Variants in RAB6B observed in about 807,000 individuals in gnomAD.
The protein encoded by RAB6B is RAB6B, member RAS oncogene family.
Under a neutral mutation model 31.2 loss-of-function variants are expected in RAB6B, and 7 were observed. The ratio of observed to expected loss-of-function variants is 0.22; its 90% CI spans 0.13 to 0.42. The LOEUF is 0.42. Among genes scored for constraint, RAB6B ranks in the 10% least tolerant of loss-of-function variants. The pLI is 1.00. For missense variants in RAB6B, 149 were observed against 280.6 expected (o/e 0.53, Z 3.35); for synonymous variants, 105 against 104.9 (o/e 1.00, Z -0.01).
intron 1 of RAB6B, among the ~76,000 whole-genome samples, chr3:133,871,602 A>G (rs911976688): frequency 6.6e-6 from 1 of 151,736 alleles, no homozygotes; most frequent in Non-Finnish European, 1.5e-5. Flanking sequence ...AAGTCCCCAG[A>G]CTCCTCCACT....
At chr3:133,886,894 A>C (rs1409531245) in intron 1 of RAB6B, among the ~76,000 whole-genome samples, 1 of 152,204 alleles carries the variant, frequency 6.6e-6, no homozygotes, top group East Asian at 1.9e-4. Context: ...CAAGGTAATG[A>C]TCAACTTCCT....
At chr3:133,862,190 CTCT>C (rs545238649) in intron 2 of RAB6B, among the ~76,000 whole-genome samples, 5 of 152,078 alleles carry the variant, frequency 3.3e-5, no homozygotes, top group African/African-American at 1.2e-4. Flanking sequence ...GGTTTCTCTC[CTCT>C]TGTCACCACA....
At chr3:133,838,339 G>T in intron 5 of RAB6B, 80 bp from the exon 6 acceptor site, 1 of 1,316,852 alleles carries the variant, frequency 7.6e-7, no homozygotes, top group Non-Finnish European at 1.1e-6. Flanking sequence ...CCACCCAGCA[G>T]GGCAGAGGGA....
At chr3:133,867,876 T>C (rs775878742) in intron 1 of RAB6B, among the ~76,000 whole-genome samples, 16 of 152,158 alleles carry the variant, frequency 1.1e-4, no homozygotes, top group South Asian at 4.1e-4. Flanking sequence ...ACTATTCCTC[T>C]AGGCTCATTT....
At position 133,865,028 on chromosome 3, in the gene RAB6B, C is replaced by T. The variant is rs191686583; in HGVS notation, c.71-386G>A. Among the ~76,000 whole-genome samples the T allele has an allele frequency of 5.9e-4, 90 of 152,348 alleles. 2 individuals carry two copies. The highest frequency in any genetic ancestry group is 2.0e-3 in the African/African-American group (85 of 41,588). ...TCCTCTCGTACTTGCCCATGTACACCTTGTTGTTGGTCATACACTGGAATG... is the reference window on the plus strand; with the variant it reads ...TCCTCTCGTACTTGCCCATGTACACTTTGTTGTTGGTCATACACTGGAATG... On this transcript the variant is annotated intron_variant, in intron 1 of 7. Transcript: ENST00000285208.
rs528643342 is a variant in RAB6B at position 133,826,158 on chromosome 3, A to G, written c.*2630T>C. On this transcript the variant is annotated 3_prime_UTR_variant, in exon 8 of 8. Coordinates refer to ENST00000285208, the MANE Select transcript of RAB6B (RefSeq NM_016577.4). ...CGAAGGGAGCGCCATGGAACCACTG[A>G]GATGGGAGGATGGGAGGAAGCCACC... The G allele has an allele frequency of 2.6e-5, 4 of 152,338 alleles. No individual in the cohort carries two copies. Among genetic ancestry groups the G allele is most frequent in the Admixed American group, 2.0e-4 (3 of 15,292 alleles). The allele number at this position is 152,338 out of a possible 1,614,324, so 9.4% of individuals were successfully genotyped here. A position where few individuals can be genotyped will look rare whatever the true frequency, so the allele number is the denominator to read the frequency against.
chr3:133,863,788 T>A lies in RAB6B; in HGVS notation c.129+796A>T, dbSNP rs189254034. On this transcript the variant is annotated intron_variant, in intron 2 of 7. Transcript: ENST00000285208. ...AGAAAAATGCATTATCATTTGTCTCTATCTAAGGAATAAAACAGCACCTTT... is the reference window on the plus strand; with the variant it reads ...AGAAAAATGCATTATCATTTGTCTCAATCTAAGGAATAAAACAGCACCTTT... Among the ~76,000 whole-genome samples, 283 of 152,080 alleles carry A rather than the reference T, an allele frequency of 1.9e-3. 4 individuals are homozygous for A. The highest frequency in any genetic ancestry group is 2.5e-4 in the Non-Finnish European group (17 of 67,848).
chr3:133,841,715 G>A (rs1935835788), intron 2 of RAB6B, 52 bp from the exon 3 acceptor site: 7 of 1,591,486 alleles, frequency 4.4e-6, no homozygotes, highest in Admixed American at 3.4e-5. Context: ...CATGCAAAGG[G>A]GCAAAAGCCT....
intron 2 of RAB6B, among the ~76,000 whole-genome samples, chr3:133,847,142 T>C (rs1935917873): frequency 6.6e-6 from 1 of 152,272 alleles, no homozygotes; most frequent in South Asian, 2.1e-4. Flanking sequence ...CCAGCTCTTG[T>C]ACTAACTGCT....
intron 1 of RAB6B, 56 bp downstream of exon 1, chr3:133,895,341 A>G: frequency 6.4e-7 from 1 of 1,569,760 alleles, no homozygotes; most frequent in Non-Finnish European, 8.7e-7. Flanking sequence ...GGGGTGGGCG[A>G]TTGGGCGGCG....
At chr3:133,888,362 A>G (rs1936583941) in intron 1 of RAB6B, among the ~76,000 whole-genome samples, 1 of 152,212 alleles carries the variant, frequency 6.6e-6, no homozygotes, top group African/African-American at 2.4e-5. Context: ...GATGTTCAAT[A>G]AATGCCACGT....
At chr3:133,838,107 A>T (rs1168731415) in intron 6 of RAB6B, 59 bp downstream of exon 6, 2 of 1,536,090 alleles carry the variant, frequency 1.3e-6, no homozygotes, top group Non-Finnish European at 1.8e-6. Context: ...CCTGCAGCTG[A>T]CCACAGGGCT....
intron 1 of RAB6B, among the ~76,000 whole-genome samples, chr3:133,879,240 GA>G (rs746343328): frequency 6.6e-6 from 1 of 152,216 alleles, no homozygotes; most frequent in Non-Finnish European, 1.5e-5. Flanking sequence ...AAAAGTTACA[GA>G]AAAAATTATT....
intron 2 of RAB6B, among the ~76,000 whole-genome samples, chr3:133,859,751 G>A (rs1278383931): frequency 6.6e-6 from 1 of 152,222 alleles, no homozygotes. Flanking sequence ...GATGTGCTGT[G>A]TGTGGAGCTC....
At chr3:133,845,043 C>T (rs548557316) in intron 2 of RAB6B, among the ~76,000 whole-genome samples, 40 of 152,216 alleles carry the variant, frequency 2.6e-4, no homozygotes, top group African/African-American at 9.2e-4. Flanking sequence ...TGACGAAACT[C>T]CCCAGTCCCA....
chr3:133,864,668 T>C (rs377291933), intron 1 of RAB6B, 26 bp from the exon 2 acceptor site: 1 of 1,605,230 alleles, frequency 6.2e-7, no homozygotes, highest in South Asian at 1.1e-5. Context: ...GAGAGAGGTG[T>C]TCAGTCATGG....
intron 1 of RAB6B, among the ~76,000 whole-genome samples, chr3:133,881,401 C>T (rs1936465190): frequency 1.3e-5 from 2 of 152,228 alleles, no homozygotes; most frequent in African/African-American, 2.4e-5. Context: ...GACTGCTCTT[C>T]TTACTCCTGC....
At chr3:133,879,847 T>C (rs192621915) in intron 1 of RAB6B, among the ~76,000 whole-genome samples, 1 of 152,330 alleles carries the variant, frequency 6.6e-6, no homozygotes, top group African/African-American at 2.4e-5. Flanking sequence ...CCAGCTAGCT[T>C]TGAATGCTAG....
rs1227748235 is a variant in RAB6B at position 133,830,885 on chromosome 3, ACTAT to A, written c.563-2037_563-2034del. On this transcript the variant is annotated intron_variant, in intron 7 of 7. Coordinates refer to ENST00000285208, the MANE Select transcript of RAB6B (RefSeq NM_016577.4). Reference sequence around the variant, plus strand: ...AGGATGTTCAGAAGCATCCCTGACCACTATCTATGAGATGCCAGTTAAACCCCAT... The same window carrying A: ...AGGATGTTCAGAAGCATCCCTGACCACTATGAGATGCCAGTTAAACCCCAT... Among the ~76,000 whole-genome samples the A allele has an allele frequency of 3.9e-5, 6 of 152,088 alleles. 1 individual carries two copies. Among genetic ancestry groups the A allele is most frequent in the Non-Finnish European group, 7.4e-5 (5 of 68,026 alleles).
Sources: gnomAD v4.1 joint callset for allele counts (sites outside exome capture counted in the v4.1 genomes callset) on GRCh38, gnomAD v4.1.1 for gene constraint, MANE v1.5 for transcripts, NCBI Gene and HGNC (gene_info 2026-07-23, HGNC 2026-07-21) for gene names.